Variants in DSCAM observed in about 807,000 individuals in gnomAD.
The protein encoded by DSCAM is DS cell adhesion molecule, also known as cell adhesion molecule DSCAM.
Under a neutral mutation model 217.7 loss-of-function variants are expected in DSCAM, and 47 were observed. The observed-to-expected ratio is 0.22, with a 90% CI of 0.17 to 0.28. The LOEUF (loss-of-function observed/expected upper bound fraction) is 0.28. Among genes scored for constraint, DSCAM ranks in the 10% least tolerant of loss-of-function variants. The pLI, the probability that DSCAM is intolerant of heterozygous loss-of-function variation, is 1.00. For synonymous variants in DSCAM, 1,056 were observed against 1,015.3 expected (o/e 1.04, Z -0.76); for missense variants, 2,080 against 2,618.3 (o/e 0.79, Z 4.49).
chr21:40,668,914 G>A (rs780663390), intron 3 of DSCAM, among the ~76,000 whole-genome samples: 4 of 151,970 alleles, frequency 2.6e-5, no homozygotes, highest in Non-Finnish European at 5.9e-5. Context: ...CAGAAATTGG[G>A]GCTAAAATGA....
At chr21:40,675,033 G>GCACACACACA (rs1568977455) in intron 3 of DSCAM, among the ~76,000 whole-genome samples, 1 of 58,348 alleles carries the variant, frequency 1.7e-5, no homozygotes, top group African/African-American at 4.5e-5. Flanking sequence ...ACACACACAT[G>GCACACACACA]CACGCGCACA....
intron 3 of DSCAM, among the ~76,000 whole-genome samples, chr21:40,680,324 G>A (rs1166903505): frequency 6.6e-6 from 1 of 152,040 alleles, no homozygotes; most frequent in Non-Finnish European, 1.5e-5. Context: ...CCAATTCATG[G>A]AGCACCTCAC....
chr21:40,548,969 C>G (rs2076607228), intron 3 of DSCAM, among the ~76,000 whole-genome samples: 1 of 152,172 alleles, frequency 6.6e-6, no homozygotes, highest in Admixed American at 6.5e-5. Context: ...TTTGGGAGAC[C>G]AAGATGGGCA....
At chr21:40,080,438 C>G (rs773235716) in intron 24 of DSCAM, 98 bp from the exon 25 acceptor site, 3 of 1,069,192 alleles carry the variant, frequency 2.8e-6, no homozygotes, top group Non-Finnish European at 1.3e-6. Context: ...AACGAGCATT[C>G]TCAGAACTGA....
chr21:40,128,351 T>G (rs1482097018), intron 19 of DSCAM, among the ~76,000 whole-genome samples: 2 of 151,750 alleles, frequency 1.3e-5, no homozygotes, highest in Non-Finnish European at 1.5e-5. Flanking sequence ...GCCTGGGTGA[T>G]TCCTTCCCCT....
intron 27 of DSCAM, among the ~76,000 whole-genome samples, chr21:40,066,831 T>C (rs1292637019): frequency 6.6e-6 from 1 of 152,194 alleles, no homozygotes; most frequent in African/African-American, 2.4e-5. Context: ...ATGGAGTTTG[T>C]CTGGGCCCCT....
intron 8 of DSCAM, among the ~76,000 whole-genome samples, chr21:40,337,312 A>G (rs1416574669): frequency 6.6e-6 from 1 of 152,220 alleles, no homozygotes; most frequent in Non-Finnish European, 1.5e-5. Context: ...TTTCGGAAAT[A>G]GTTTTATAAC....
chr21:40,653,365 G>C (rs2090037931), intron 3 of DSCAM, among the ~76,000 whole-genome samples: 1 of 152,150 alleles, frequency 6.6e-6, no homozygotes, highest in Admixed American at 6.5e-5. Context: ...GCCTAAGAGA[G>C]TTCCTCCACC....
At chr21:40,332,876 T>C (rs998667763) in intron 8 of DSCAM, among the ~76,000 whole-genome samples, 3 of 152,194 alleles carry the variant, frequency 2.0e-5, no homozygotes, top group Non-Finnish European at 4.4e-5. Context: ...GGAAAAGACA[T>C]GATGAAAAAA....
At chr21:40,777,050 A>G (rs1015291887) in intron 1 of DSCAM, among the ~76,000 whole-genome samples, 7 of 152,192 alleles carry the variant, frequency 4.6e-5, no homozygotes, top group African/African-American at 1.2e-4. Flanking sequence ...GATGACTTAT[A>G]AACAACATGT....
At chr21:40,098,703 A>C (rs1161206632) in intron 20 of DSCAM, among the ~76,000 whole-genome samples, 1 of 152,178 alleles carries the variant, frequency 6.6e-6, no homozygotes, top group Non-Finnish European at 1.5e-5. Context: ...ATACAACCTC[A>C]TGCTTCCTCA....
rs911356584 is a variant in DSCAM at position 40,528,898 on chromosome 21, C to CTTTTTTTTTT, written c.509-159663_509-159654dup. 2.2e-3 allele frequency among the ~76,000 whole-genome samples: 215 copies of CTTTTTTTTTT among 99,380 alleles called. 5 individuals are homozygous for CTTTTTTTTTT. The highest frequency in any genetic ancestry group is 3.0e-3 in the Non-Finnish European group (164 of 55,040). 65.2% of individuals were successfully genotyped at this position (99,380 alleles called of 152,430 possible). On this transcript the variant is annotated intron_variant, in intron 3 of 32. Transcript: ENST00000400454. ...TCTTTGGCAATGTCCAGGCTTTCCA[C>CTTTTTTTTTT]TTTTTTTTTTTTTTTTTTTTTTTGA...
intron 11 of DSCAM, among the ~76,000 whole-genome samples, chr21:40,230,489 T>C (rs1051979760): frequency 4.6e-5 from 7 of 152,174 alleles, no homozygotes; most frequent in African/African-American, 1.2e-4. Context: ...GGACCAGTCA[T>C]AGTGGCCCCT....
At chr21:40,702,652 T>G (rs1054140455) in intron 2 of DSCAM, among the ~76,000 whole-genome samples, 1 of 149,686 alleles carries the variant, frequency 6.7e-6, no homozygotes, top group Non-Finnish European at 1.5e-5. Context: ...GGTTTATCAT[T>G]TTGCTATTTG....
chr21:40,525,345 T>C (rs995453699), intron 3 of DSCAM, among the ~76,000 whole-genome samples: 2 of 152,214 alleles, frequency 1.3e-5, no homozygotes, highest in Non-Finnish European at 2.9e-5. Context: ...CTTTTCTGTC[T>C]AGCAGTGGAC....
At chr21:40,746,239 T>G (rs1315801064) in intron 1 of DSCAM, among the ~76,000 whole-genome samples, 1 of 151,798 alleles carries the variant, frequency 6.6e-6, no homozygotes, top group Admixed American at 6.6e-5. Context: ...AATTAAAATC[T>G]CCAATTAAGA....
At chr21:40,578,495 G>A (rs2076874240) in intron 3 of DSCAM, among the ~76,000 whole-genome samples, 2 of 151,930 alleles carry the variant, frequency 1.3e-5, no homozygotes, top group Non-Finnish European at 2.9e-5. Flanking sequence ...CTGTAAAATG[G>A]ACCAATCAGT....
chr21:40,144,099 T>C lies in DSCAM; in HGVS notation c.3259+392A>G, dbSNP rs559069417. On this transcript the variant is annotated intron_variant, in intron 17 of 32. Transcript: ENST00000400454. This position sits in a 1 kb window ranked among gnomAD's most constrained non-coding sequence, Gnocchi z 4.8. ...CAGAATGCTTGAAAATAGGAAACAATGAAAAATAAAATAAATTTTAAAAAA... is the reference window on the plus strand; with the variant it reads ...CAGAATGCTTGAAAATAGGAAACAACGAAAAATAAAATAAATTTTAAAAAA... Among the ~76,000 whole-genome samples the C allele has an allele frequency of 1.7e-5, 2 of 117,126 alleles. No individual in the cohort carries two copies. Among genetic ancestry groups the C allele is most frequent in the East Asian group, 2.2e-4 (1 of 4,576 alleles). 76.8% of individuals were successfully genotyped at this position (117,126 alleles called of 152,430 possible).
At chr21:40,781,438 A>T (rs1013652561) in intron 1 of DSCAM, among the ~76,000 whole-genome samples, 4 of 152,240 alleles carry the variant, frequency 2.6e-5, no homozygotes, top group African/African-American at 9.6e-5. Flanking sequence ...CATACAATTG[A>T]CTCTCTGAAC....
Sources: allele counts gnomAD v4.1 joint callset (sites outside exome capture counted in the v4.1 genomes callset), GRCh38; gene constraint gnomAD v4.1.1; non-coding constraint Gnocchi (gnomAD v3.1); transcripts MANE v1.5; gene names NCBI Gene and HGNC (gene_info 2026-07-23, HGNC 2026-07-21).